ANKFN1: variants seen among roughly 807,000 people sequenced by gnomAD.
ANKFN1 encodes ankyrin repeat and fibronectin type III domain containing 1.
Under a neutral mutation model 108.7 loss-of-function variants are expected in ANKFN1, and 74 were observed. The observed-to-expected ratio is 0.68, with a 90% CI of 0.56 to 0.83. ANKFN1 has a LOEUF of 0.83. Among genes scored for constraint, ANKFN1 ranks in the 40% least tolerant of loss-of-function variants. The pLI, the probability that ANKFN1 is intolerant of heterozygous loss-of-function variation, is 0.00. For missense variants in ANKFN1, 1,505 were observed against 1,382.3 expected, an observed-to-expected ratio of 1.09 and a Z score of -1.41; for synonymous variants, 547 against 516.2, an observed-to-expected ratio of 1.06 and a Z score of -0.81.
rs375351655 is a variant in ANKFN1 at position 56,390,253 on chromosome 17, T to G, written c.910+15539T>G. Among the ~76,000 whole-genome samples the G allele has an allele frequency of 4.8e-4, 72 of 151,052 alleles. 1 individual carries two copies. In the East Asian group the frequency reaches 0.013, roughly 27 times the overall value. ...TGATGTTTCCCTCCCTGTGTCCATG[T>G]GTTCTAATTGTTCAACTCCAACTTA... On this transcript the variant is annotated intron_variant, in intron 8 of 20. Transcript: ENST00000682825.
chr17:56,343,611 C>G (rs1316795577), intron 4 of ANKFN1, among the ~76,000 whole-genome samples: 2 of 151,736 alleles, frequency 1.3e-5, no homozygotes, highest in African/African-American at 4.8e-5. Context: ...GTTCATTGAG[C>G]CTGTTGATGC....
At chr17:56,268,387 A>G (rs902997524) in intron 3 of ANKFN1, among the ~76,000 whole-genome samples, 1 of 152,248 alleles carries the variant, frequency 6.6e-6, no homozygotes, top group Non-Finnish European at 1.5e-5. Flanking sequence ...GCTAATGATA[A>G]CAAAGACACA....
chr17:56,059,067 C>T (rs1020310617), intron 4 of ANKFN1, among the ~76,000 whole-genome samples: 1 of 152,210 alleles, frequency 6.6e-6, no homozygotes, highest in Non-Finnish European at 1.5e-5. Context: ...TAACAGGGTT[C>T]CTATTTCCCC....
Position 56,514,514 on chromosome 17 carries a change from C to T in ANKFN1, c.*3245C>T, listed in dbSNP as rs2051859669. On this transcript the variant is annotated 3_prime_UTR_variant, in exon 21 of 21. Coordinates refer to ENST00000682825, the MANE Select transcript of ANKFN1 (RefSeq NM_001370326.1). The stretch of plus-strand genomic sequence containing the variant: ...AGTCATGGAAGTATATGTTTGGCAA[C>T]TACTTAACAAAGCTAAAACATCCTC... Among the ~76,000 whole-genome samples, 1 of 152,140 alleles carries T rather than the reference C, an allele frequency of 6.6e-6. No homozygotes were observed. The highest frequency in any genetic ancestry group is 6.6e-5 in the Admixed American group (1 of 15,266).
chr17:56,366,916 C>T (rs868084864), intron 6 of ANKFN1, among the ~76,000 whole-genome samples: 42 of 152,108 alleles, frequency 2.8e-4, no homozygotes, highest in African/African-American at 8.9e-4. Flanking sequence ...CTTTAAAATT[C>T]GGAGTTGTAT....
intron 4 of ANKFN1, among the ~76,000 whole-genome samples, chr17:56,338,096 A>G (rs1018454819): frequency 6.6e-6 from 1 of 152,240 alleles, no homozygotes; most frequent in African/African-American, 2.4e-5. Flanking sequence ...AATGTGGCAC[A>G]TATACACATG....
chr17:56,265,337 C>T (rs980902906), intron 3 of ANKFN1, among the ~76,000 whole-genome samples: 3 of 152,158 alleles, frequency 2.0e-5, no homozygotes, highest in Admixed American at 2.0e-4. Flanking sequence ...CACAAGGTAT[C>T]AGGCGAGAAA....
intron 14 of ANKFN1, among the ~76,000 whole-genome samples, chr17:56,461,689 G>A (rs973841864): frequency 8.5e-5 from 13 of 152,160 alleles, no homozygotes; most frequent in African/African-American, 3.1e-4. Context: ...ATTATTATCT[G>A]TTTAGTGCCC....
intron 3 of ANKFN1, among the ~76,000 whole-genome samples, chr17:56,263,207 C>T (rs1371458842): frequency 1.3e-5 from 2 of 152,104 alleles, no homozygotes; most frequent in Admixed American, 6.5e-5. Flanking sequence ...ACATAGGCAG[C>T]CTGGGTACTG....
At chr17:56,116,480 G>A (rs1906283327) in intron 4 of ANKFN1, among the ~76,000 whole-genome samples, 1 of 152,160 alleles carries the variant, frequency 6.6e-6, no homozygotes, top group Non-Finnish European at 1.5e-5. Flanking sequence ...TATGGGGGCA[G>A]ATCCCTCATG....
At chr17:56,134,862 A>G (rs906075542) in intron 4 of ANKFN1, among the ~76,000 whole-genome samples, 6 of 152,192 alleles carry the variant, frequency 3.9e-5, no homozygotes, top group Admixed American at 2.0e-4. Flanking sequence ...TATGCAAGTC[A>G]TGTTTGTATA....
chr17:56,403,098 G>T (rs1296929309), intron 8 of ANKFN1, among the ~76,000 whole-genome samples: 1 of 152,016 alleles, frequency 6.6e-6, no homozygotes, highest in Non-Finnish European at 1.5e-5. Context: ...ATTTATTAAG[G>T]CTCATTTTAT....
intron 3 of ANKFN1, among the ~76,000 whole-genome samples, chr17:56,255,980 C>A (rs780517819): frequency 2.0e-5 from 3 of 151,948 alleles, no homozygotes; most frequent in Non-Finnish European, 2.9e-5. Flanking sequence ...TCCAGACCAG[C>A]CTGGGCAACC....
Position 56,250,253 on chromosome 17 carries a change from C to T in ANKFN1, c.53+22296C>T, listed in dbSNP as rs546535754. On this transcript the variant is annotated intron_variant, in intron 3 of 20. Coordinates refer to ENST00000682825, the MANE Select transcript of ANKFN1 (RefSeq NM_001370326.1). ...TAAAACATTCCATGGACCCTCCTCTCGTATATTTTGTCCACTTCAAAATGC... is the reference window on the plus strand; with the variant it reads ...TAAAACATTCCATGGACCCTCCTCTTGTATATTTTGTCCACTTCAAAATGC... Among the ~76,000 whole-genome samples, 19 of 152,278 alleles carry T rather than the reference C, an allele frequency of 1.2e-4. No homozygotes were observed. The East Asian group carries it at 1.7e-3, about 14-fold the overall frequency.
rs147369103 is a variant in ANKFN1, at chr17:56,476,418, C to T, written c.1774-1070C>T. 1.5e-4 allele frequency among the ~76,000 whole-genome samples: 23 copies of T among 152,340 alleles called. No individual in the cohort carries two copies. In the East Asian group the frequency reaches 4.2e-3, roughly 28 times the overall value. On this transcript the variant is annotated intron_variant, in intron 15 of 20. Coordinates refer to ENST00000682825, the MANE Select transcript of ANKFN1 (RefSeq NM_001370326.1). The stretch of plus-strand genomic sequence containing the variant: ...CACAAAAAACAAGATTCCATTCAAA[C>T]ATCCCTGTACTTAACTTGGTTGACA...
chr17:56,259,049 A>T (rs1567868769), intron 3 of ANKFN1, among the ~76,000 whole-genome samples: 1 of 152,244 alleles, frequency 6.6e-6, no homozygotes, highest in Non-Finnish European at 1.5e-5. Context: ...ATATCTAGAC[A>T]CTGTGACGTG....
At chr17:56,379,550 C>T (rs988076843) in intron 8 of ANKFN1, among the ~76,000 whole-genome samples, 1 of 152,022 alleles carries the variant, frequency 6.6e-6, no homozygotes, top group Non-Finnish European at 1.5e-5. Context: ...TTTATGTGCT[C>T]TAATACAAAT....
chr17:56,147,860 A>G (rs564672370), intron 4 of ANKFN1, among the ~76,000 whole-genome samples: 2 of 152,338 alleles, frequency 1.3e-5, no homozygotes, highest in South Asian at 2.1e-4. Context: ...AAGTTAAGAT[A>G]AAAATCTCAA....
chr17:56,379,333 A>C (rs1257699912), intron 8 of ANKFN1, among the ~76,000 whole-genome samples: 2 of 151,212 alleles, frequency 1.3e-5, no homozygotes, highest in Non-Finnish European at 2.9e-5. Context: ...TGGGAGGCGG[A>C]GCTTGCAGTG....
Sources: gnomAD v4.1 joint callset for allele counts (sites outside exome capture counted in the v4.1 genomes callset) on GRCh38, gnomAD v4.1.1 for gene constraint, MANE v1.5 for transcripts, NCBI Gene and HGNC (gene_info 2026-07-23, HGNC 2026-07-21) for gene names.